The following ZFHX4 variants were observed in gnomAD, a reference collection of about 807,000 sequenced individuals.
ZFHX4 encodes the protein zinc finger homeobox 4.
Under a neutral mutation model 267.6 loss-of-function variants are expected in ZFHX4, and 56 were observed. The ratio of observed to expected loss-of-function variants is 0.21; its 90% confidence interval spans 0.17 to 0.26. ZFHX4 has a LOEUF of 0.26. ZFHX4 is among the 10% of genes least tolerant of loss of function. The probability of loss-of-function intolerance (pLI) is 1.00; values close to 1 mark genes in which losing one functional copy is unlikely to be tolerated. For missense variants in ZFHX4, 4,332 were observed against 4,420.0 expected (o/e 0.98, Z 0.56); for synonymous variants, 1,778 against 1,665.6 (o/e 1.07, Z -1.64).
In ZFHX4 at chr8:76,855,152, G is replaced by C. The variant is rs1812678362; in HGVS notation, c.8231G>C (p.Ser2744Thr). Residue 2744 changes from serine to threonine, a missense_variant, in exon 10 of 11, where the codon AGT (serine) becomes ACT (threonine). Ser to Thr is a moderately conservative substitution (Grantham distance 58, BLOSUM62 1). Around this residue, in one of 7 missense-constraint regions of ZFHX4, gnomAD observed 1,648 missense variants for 1,625.0 expected, o/e 1.01. Coordinates refer to ENST00000651372, the MANE Select transcript of ZFHX4 (RefSeq NM_024721.5). ...SLPLTKIDLSSENELASTVST... is the reference protein window; with the variant it reads ...SLPLTKIDLSTENELASTVST... The stretch of plus-strand genomic sequence containing the variant: ...CCATTAACTAAAATTGATCTATCAA[G>C]TGAGAATGAATTGGCTTCTACAGTG... 6.2e-7 allele frequency: 1 copy of C among 1,613,574 alleles called. No individual in the cohort carries two copies. The highest frequency in any genetic ancestry group is 8.5e-7 in the Non-Finnish European group (1 of 1,179,794).
intron 10 of ZFHX4, among the ~76,000 whole-genome samples, chr8:76,858,926 T>C (rs1000245764): frequency 1.3e-5 from 2 of 152,202 alleles, no homozygotes; most frequent in Non-Finnish European, 2.9e-5. Context: ...ATTTTAAGGA[T>C]GTCCCATCCC....
intron 5 of ZFHX4, chr8:76,834,077 A>G (rs1352820549): frequency 2.4e-6 from 1 of 411,972 alleles, no homozygotes; most frequent in Admixed American, 2.6e-5. Context: ...ATTTCCTTTT[A>G]GTGCTGAATA....
rs117884141 is a variant in ZFHX4 at position 76,784,579 on chromosome 8, C to T, written c.3325+6140C>T. Among the ~76,000 whole-genome samples the T allele has an allele frequency of 2.2e-3, 335 of 152,026 alleles. 7 individuals carry two copies. The highest frequency in any genetic ancestry group is 2.4e-4 in the Non-Finnish European group (16 of 67,896). On this transcript the variant is annotated intron_variant, in intron 4 of 10. Coordinates refer to ENST00000651372, the MANE Select transcript of ZFHX4 (RefSeq NM_024721.5). ...GGAATAGATACCCATGAATGACAGTCAAGCTCCACTCTGTAATTATTTTGA... is the reference window on the plus strand; with the variant it reads ...GGAATAGATACCCATGAATGACAGTTAAGCTCCACTCTGTAATTATTTTGA...
Position 76,849,621 on chromosome 8 carries a change from A to G in ZFHX4, c.3755A>G (p.Gln1252Arg). 6.2e-7 allele frequency: 1 copy of G among 1,613,970 alleles called. No homozygotes were observed. The highest frequency in any genetic ancestry group is 8.5e-7 in the Non-Finnish European group (1 of 1,179,874). The change falls in exon 8 of 11, where the codon CAG (glutamine) becomes CGG (arginine). Residue 1252 changes from glutamine to arginine, a missense_variant. This residue lies in a region of ZFHX4 where 1,371 missense variants were observed against 1,423.1 expected (regional missense o/e 0.96). Transcript: ENST00000651372. The part of the protein sequence containing the change: ...VQPVICCPLC[Q>R]DVLSNKMHLQ... ...CCGGTCATCTGCTGTCCTCTCTGTC[A>G]GGACGTCCTCAGCAACAAAATGCAT...
chr8:76,853,807 A>G lies in ZFHX4; in HGVS notation c.6886A>G (p.Lys2296Glu). The change falls in exon 10 of 11, where the codon AAA (lysine) becomes GAA (glutamate). Residue 2296 changes from lysine to glutamate, a missense_variant. Lys to Glu is a moderately conservative substitution (Grantham distance 56). This residue lies in a region of ZFHX4 where 1,648 missense variants were observed against 1,625.0 expected (regional missense o/e 1.01). Coordinates refer to ENST00000651372, the MANE Select transcript of ZFHX4 (RefSeq NM_024721.5). ...TCAAGCAGAAACAAAAGATAATGAA[A>G]AAAGAGAACTCACTAATGAACGGTA... is the stretch of plus-strand genomic sequence containing the variant. ...ENQAETKDNE[K>E]RELTNERYIR... is the part of the protein sequence containing the mutation. The G allele has an allele frequency of 1.2e-6, 2 of 1,613,854 alleles. No individual in the cohort carries two copies. Among genetic ancestry groups the G allele is most frequent in the Non-Finnish European group, 1.7e-6 (2 of 1,179,820 alleles).
At chr8:76,857,368 A>T (rs574325149) in intron 10 of ZFHX4, among the ~76,000 whole-genome samples, 2 of 148,314 alleles carry the variant, frequency 1.3e-5, no homozygotes, top group Non-Finnish European at 3.0e-5. Flanking sequence ...ATATATATAT[A>T]TATATATATA....
At chr8:76,815,126 A>G (rs1294897728) in intron 4 of ZFHX4, among the ~76,000 whole-genome samples, 1 of 152,174 alleles carries the variant, frequency 6.6e-6, no homozygotes, top group Non-Finnish European at 1.5e-5. Flanking sequence ...TATTTGCAGT[A>G]TGGTTAGAAT....
chr8:76,849,778 G>A (rs2131936255), intron 8 of ZFHX4, 66 bp downstream of exon 8: 1 of 1,439,964 alleles, frequency 6.9e-7, no homozygotes, highest in Non-Finnish European at 9.6e-7. Context: ...TATAAAATCT[G>A]TAATTATTGG....
intron 3 of ZFHX4, among the ~76,000 whole-genome samples, chr8:76,737,060 G>T (rs1229094308): frequency 6.6e-6 from 1 of 152,058 alleles, no homozygotes; most frequent in Non-Finnish European, 1.5e-5. Context: ...ATCATTCTTA[G>T]AATTTAAACA....
At chr8:76,761,612 A>G (rs1020170448) in intron 3 of ZFHX4, among the ~76,000 whole-genome samples, 3 of 152,210 alleles carry the variant, frequency 2.0e-5, no homozygotes, top group Non-Finnish European at 4.4e-5. Context: ...AGGAATGTAA[A>G]AAGAGATCCT....
chr8:76,720,794 T>C (rs1808699524), intron 3 of ZFHX4, among the ~76,000 whole-genome samples: 2 of 152,212 alleles, frequency 1.3e-5, no homozygotes. Flanking sequence ...TATATACTTA[T>C]TTAATTCTCA....
intron 1 of ZFHX4, among the ~76,000 whole-genome samples, chr8:76,690,161 G>A (rs1467320278): frequency 6.6e-6 from 1 of 151,960 alleles, no homozygotes; most frequent in African/African-American, 2.4e-5. Context: ...AACATTTATA[G>A]GTTTCATTGT....
intron 4 of ZFHX4, among the ~76,000 whole-genome samples, chr8:76,830,320 T>G (rs1811901789): frequency 6.6e-6 from 1 of 152,182 alleles, no homozygotes; most frequent in South Asian, 2.1e-4. Context: ...CTGGATAAAC[T>G]AAGTCAATGG....
At chr8:76,805,412 A>G (rs1011079596) in intron 4 of ZFHX4, among the ~76,000 whole-genome samples, 9 of 152,110 alleles carry the variant, frequency 5.9e-5, no homozygotes, top group Non-Finnish European at 1.2e-4. Context: ...AGTATGCACT[A>G]AAGATATATA....
intron 1 of ZFHX4, chr8:76,682,688 CGTGTGT>C (rs138672735): frequency 1.3e-5 from 2 of 152,090 alleles, no homozygotes; most frequent in Non-Finnish European, 2.9e-5. Context: ...TGTGCGTGTG[CGTGTGT>C]GTGTGTGTAT....
intron 1 of ZFHX4, among the ~76,000 whole-genome samples, chr8:76,701,109 T>C (rs1394318521): frequency 6.6e-6 from 1 of 152,170 alleles, no homozygotes; most frequent in Non-Finnish European, 1.5e-5. Flanking sequence ...TGTCACTGTA[T>C]ATAAGGATCT....
chr8:76,738,104 G>A (rs1320746730), intron 3 of ZFHX4, among the ~76,000 whole-genome samples: 2 of 152,162 alleles, frequency 1.3e-5, no homozygotes, highest in Admixed American at 6.5e-5. Flanking sequence ...ACATGTAGGA[G>A]GAAGGCTTTG....
intron 4 of ZFHX4, among the ~76,000 whole-genome samples, chr8:76,827,532 A>G (rs974721079): frequency 6.6e-6 from 1 of 152,234 alleles, no homozygotes; most frequent in Non-Finnish European, 1.5e-5. Context: ...TTTCAAAACA[A>G]TCAGAAATGA....
At chr8:76,779,128 T>C (rs1176807670) in intron 4 of ZFHX4, among the ~76,000 whole-genome samples, 2 of 152,208 alleles carry the variant, frequency 1.3e-5, no homozygotes, top group Non-Finnish European at 2.9e-5. Context: ...GCATTAAAAC[T>C]ACCCATATTG....
Sources: allele counts gnomAD v4.1 joint callset (sites outside exome capture counted in the v4.1 genomes callset), GRCh38; gene constraint gnomAD v4.1.1; regional missense constraint gnomAD v4.1.1; transcripts MANE v1.5; gene names NCBI Gene and HGNC (gene_info 2026-07-23, HGNC 2026-07-21).